Variants in GRAMD2A observed in about 807,000 individuals in gnomAD.
The protein encoded by GRAMD2A is GRAM domain-containing protein 2A.
Under a neutral mutation model 51.1 loss-of-function variants are expected in GRAMD2A, and 37 were observed. The observed-to-expected ratio is 0.72, with a 90% CI of 0.56 to 0.95. GRAMD2A has a LOEUF of 0.95. GRAMD2A is among the 40% of genes least tolerant of loss of function. The pLI is 0.00. For missense variants in GRAMD2A, 414 were observed against 426.9 expected, an observed-to-expected ratio of 0.97 and a Z score of 0.27; for synonymous variants, 136 against 157.1, an observed-to-expected ratio of 0.87 and a Z score of 1.01.
At chr15:72,175,193 A>C (rs899194792) in intron 1 of GRAMD2A, among the ~76,000 whole-genome samples, 2 of 151,980 alleles carry the variant, frequency 1.3e-5, no homozygotes, top group Non-Finnish European at 2.9e-5. Flanking sequence ...ATAACCCATA[A>C]AACCATCTCT....
At chr15:72,186,995 CAA>C (rs756016370) in intron 1 of GRAMD2A, among the ~76,000 whole-genome samples, 20 of 109,152 alleles carry the variant, frequency 1.8e-4, no homozygotes, top group African/African-American at 2.8e-4. Context: ...AATAAAAATA[CAA>C]AAAAAAAAAA....
rs933354351 is a variant in GRAMD2A at position 72,160,197 on chromosome 15, C to T, written c.*1812G>A. ...ACCTATAACTGGCACCTCTCATGGC[C>T]TCTGACAACCAAGCAAGGCTCAGAG... On this transcript the variant is annotated 3_prime_UTR_variant, in exon 12 of 12. Coordinates refer to ENST00000309731, the MANE Select transcript of GRAMD2A (RefSeq NM_001012642.3). 3.9e-5 allele frequency: 6 copies of T among 152,108 alleles called. No individual in the cohort carries two copies. Among genetic ancestry groups the T allele is most frequent in the Non-Finnish European group, 7.3e-5 (5 of 68,050 alleles). The allele number at this position is 152,108 out of a possible 1,614,324, so 9.4% of individuals were successfully genotyped here.
chr15:72,167,126 A>T, intron 5 of GRAMD2A, 34 bp from the exon 6 acceptor site: 1 of 1,497,592 alleles, frequency 6.7e-7, no homozygotes, highest in Non-Finnish European at 9.3e-7. Context: ...CTCAGGACTA[A>T]CCCCCAAGGA....
At chr15:72,196,412 A>G (rs1333601551) in intron 1 of GRAMD2A, among the ~76,000 whole-genome samples, 3 of 151,958 alleles carry the variant, frequency 2.0e-5, no homozygotes, top group Non-Finnish European at 4.4e-5. Flanking sequence ...GCTACTCGGG[A>G]GGCTGAGGCA....
At position 72,159,864 on chromosome 15, in the gene GRAMD2A, A is replaced by C. The variant is rs2081452169; in HGVS notation, c.*2145T>G. 6.6e-6 allele frequency: 1 copy of C among 152,248 alleles called. No homozygotes were observed. The allele number at this position is 152,248 out of a possible 1,614,324, so 9.4% of individuals were successfully genotyped here. On this transcript the variant is annotated 3_prime_UTR_variant, in exon 12 of 12. Coordinates refer to ENST00000309731, the MANE Select transcript of GRAMD2A (RefSeq NM_001012642.3). ...TATTTTCAAAGGCTAAGGCCATAGC[A>C]AAACAACCCAAGGGTGGTTGAATCA...
chr15:72,180,360 T>G (rs949407206), intron 1 of GRAMD2A, among the ~76,000 whole-genome samples: 2 of 152,204 alleles, frequency 1.3e-5, no homozygotes, highest in Non-Finnish European at 2.9e-5. Flanking sequence ...GGCTTGGCCA[T>G]TTCCAGACAA....
rs2140548228 is a variant in GRAMD2A, at chr15:72,169,841, C to T, written c.134+6G>A. ...GTGTATCTATGACTGGGAAAGGGGT[C>T]CTCACCTGTAGTCCGGGGGCTCCTC... On this transcript the variant is annotated splice_donor_region_variant and intron_variant, in intron 2 of 11. Transcript: ENST00000309731. The T allele has an allele frequency of 1.9e-6, 3 of 1,607,994 alleles. No homozygotes were observed. Among genetic ancestry groups the T allele is most frequent in the Middle Eastern group, 1.7e-4 (1 of 6,034 alleles).
intron 1 of GRAMD2A, among the ~76,000 whole-genome samples, chr15:72,190,220 A>T (rs1006169771): frequency 1.3e-5 from 2 of 152,130 alleles, no homozygotes; most frequent in African/African-American, 2.4e-5. Flanking sequence ...ACTAAAAAAA[A>T]TACAAAAAAA....
At chr15:72,174,874 G>A (rs963392642) in intron 1 of GRAMD2A, among the ~76,000 whole-genome samples, 3 of 151,938 alleles carry the variant, frequency 2.0e-5, no homozygotes, top group African/African-American at 7.3e-5. Flanking sequence ...GGAGTCTAGG[G>A]GCCTCGTGGT....
chr15:72,177,342 G>A (rs2140553364), intron 1 of GRAMD2A, among the ~76,000 whole-genome samples: 1 of 152,254 alleles, frequency 6.6e-6, no homozygotes, highest in Non-Finnish European at 1.5e-5. Flanking sequence ...TCACAAACGA[G>A]TACACACCTG....
intron 8 of GRAMD2A, among the ~76,000 whole-genome samples, chr15:72,164,603 C>T (rs2081520098): frequency 1.3e-5 from 2 of 152,088 alleles, no homozygotes; most frequent in South Asian, 4.1e-4. Flanking sequence ...CAGGGTCTCA[C>T]TATGTTGCCC....
intron 1 of GRAMD2A, among the ~76,000 whole-genome samples, chr15:72,175,457 A>G (rs2081646044): frequency 6.6e-6 from 1 of 152,106 alleles, no homozygotes; most frequent in Non-Finnish European, 1.5e-5. Context: ...ATCGCCCGTC[A>G]TTCCCTCCCC....
intron 1 of GRAMD2A, chr15:72,176,435 G>C (rs2081653512): frequency 6.6e-6 from 1 of 152,314 alleles, no homozygotes; most frequent in African/African-American, 2.4e-5. Context: ...GGACCCTGTG[G>C]GTCCTGCCAA....
Position 72,170,130 on chromosome 15 carries a change from G to C in GRAMD2A, c.42-191C>G. Reference sequence around the variant, plus strand: ...AGGTTCTGGGATGGCTGACGGAGTAGGCGGGTCTCACACAGCGTCTTTCCC... The same window carrying C: ...AGGTTCTGGGATGGCTGACGGAGTACGCGGGTCTCACACAGCGTCTTTCCC... On this transcript the variant is annotated intron_variant, in intron 1 of 11. Coordinates refer to ENST00000309731, the MANE Select transcript of GRAMD2A (RefSeq NM_001012642.3). This position sits in a 1 kb window ranked among gnomAD's most constrained non-coding sequence, Gnocchi z 4.5. 1.5e-6 allele frequency: 1 copy of C among 689,464 alleles called. No homozygotes were observed. Among genetic ancestry groups the C allele is most frequent in the South Asian group, 1.5e-5 (1 of 67,290 alleles). The allele number at this position is 689,464 out of a possible 1,614,324, so 42.7% of individuals were successfully genotyped here.
intron 10 of GRAMD2A, chr15:72,162,711 T>G (rs1273486293): frequency 4.0e-6 from 1 of 247,778 alleles, no homozygotes; most frequent in African/African-American, 2.2e-5. Context: ...CTCTGGGAGG[T>G]CATGATGATG....
chr15:72,185,559 C>T (rs1165951436), intron 1 of GRAMD2A, among the ~76,000 whole-genome samples: 11 of 152,178 alleles, frequency 7.2e-5, no homozygotes, highest in East Asian at 1.9e-4. Context: ...ACAGGGTGCA[C>T]GTGCATGTGC....
chr15:72,170,146 C>A lies in GRAMD2A; in HGVS notation c.42-207G>T, dbSNP rs1186165411. 9 of 671,056 alleles carry A rather than the reference C, an allele frequency of 1.3e-5. No homozygotes were observed. The highest frequency in any genetic ancestry group is 2.5e-5 in the Non-Finnish European group (9 of 365,310). The allele number at this position is 671,056 out of a possible 1,614,324, so 41.6% of individuals were successfully genotyped here. ...GACGGAGTAGGCGGGTCTCACACAGCGTCTTTCCCGAAAGCCAGAAGTTCT... is the reference window on the plus strand; with the variant it reads ...GACGGAGTAGGCGGGTCTCACACAGAGTCTTTCCCGAAAGCCAGAAGTTCT... On this transcript the variant is annotated intron_variant, in intron 1 of 11. Transcript: ENST00000309731. The surrounding 1 kb of genome is among the most constrained non-coding windows in gnomAD (Gnocchi z 4.5).
chr15:72,197,170 C>A (rs2081811717), intron 1 of GRAMD2A, among the ~76,000 whole-genome samples: 1 of 152,180 alleles, frequency 6.6e-6, no homozygotes, highest in Non-Finnish European at 1.5e-5. Context: ...GCCCGCCCGA[C>A]CGGGATGGGC....
At chr15:72,194,129 G>A (rs948026367) in intron 1 of GRAMD2A, among the ~76,000 whole-genome samples, 10 of 152,204 alleles carry the variant, frequency 6.6e-5, no homozygotes, top group Non-Finnish European at 1.2e-4. Context: ...GGTGAATAGC[G>A]CACAGTGGCC....
Sources: gnomAD v4.1 joint callset for allele counts (sites outside exome capture counted in the v4.1 genomes callset) on GRCh38, gnomAD v4.1.1 for gene constraint, Gnocchi (gnomAD v3.1) non-coding constraint, MANE v1.5 for transcripts, NCBI Gene and HGNC (gene_info 2026-07-23, HGNC 2026-07-21) for gene names.